Variants in SMAD6 observed in about 807,000 individuals in gnomAD.
The protein encoded by SMAD6 is MAD homolog 6.
A neutral mutation model predicts 39.4 loss-of-function variants in SMAD6; 103 were observed. That is an observed-to-expected ratio of 2.62 (90% confidence interval 2.23 to 3.08). SMAD6 has a LOEUF of 3.08. Ranked by LOEUF, SMAD6 falls within the 30% of genes most tolerant of loss-of-function variation. The probability of loss-of-function intolerance (pLI) is 0.00; values close to 1 mark genes in which losing one functional copy is unlikely to be tolerated. For missense variants in SMAD6, 1,104 were observed against 742.9 expected, an observed-to-expected ratio of 1.49 and a Z score of -5.65; for synonymous variants, 445 against 353.3, an observed-to-expected ratio of 1.26 and a Z score of -2.91.
chr15:66,775,944 G>T (rs1214530784), intron 3 of SMAD6, among the ~76,000 whole-genome samples: 5 of 152,250 alleles, frequency 3.3e-5, no homozygotes, highest in African/African-American at 1.2e-4. Context: ...GAAGTACAGA[G>T]TGGGGACCAT....
intron 3 of SMAD6, among the ~76,000 whole-genome samples, chr15:66,774,338 A>T (rs565242525): frequency 6.6e-6 from 1 of 152,328 alleles, no homozygotes; most frequent in Non-Finnish European, 1.5e-5. Context: ...CTCAGACTGC[A>T]GTCAGCTCCC....
chr15:66,748,969 C>T (rs772756282), intron 3 of SMAD6, among the ~76,000 whole-genome samples: 9 of 152,148 alleles, frequency 5.9e-5, no homozygotes, highest in Non-Finnish European at 8.8e-5. Flanking sequence ...TACACATGCC[C>T]GGTGCCCAGT....
At chr15:66,756,749 T>C (rs1465647410) in intron 3 of SMAD6, among the ~76,000 whole-genome samples, 2 of 152,238 alleles carry the variant, frequency 1.3e-5, no homozygotes, top group Non-Finnish European at 2.9e-5. Flanking sequence ...AGCCCAGGGC[T>C]TAACTTGCCT....
intron 3 of SMAD6, among the ~76,000 whole-genome samples, chr15:66,738,692 G>A (rs547190071): frequency 6.6e-6 from 1 of 152,254 alleles, no homozygotes; most frequent in Admixed American, 6.5e-5. Flanking sequence ...CAGGGAGCGT[G>A]TCTGCCATGA....
chr15:66,768,046 T>C (rs1036367446), intron 3 of SMAD6, among the ~76,000 whole-genome samples: 10 of 139,704 alleles, frequency 7.2e-5, no homozygotes, highest in African/African-American at 2.6e-4. Flanking sequence ...CACGGTTCAC[T>C]GCAGCCTCGG....
At chr15:66,762,218 T>A (rs1894212099) in intron 3 of SMAD6, among the ~76,000 whole-genome samples, 1 of 152,228 alleles carries the variant, frequency 6.6e-6, no homozygotes, top group Admixed American at 6.5e-5. Context: ...TTCCTTGGAC[T>A]CCCCCGTTAT....
chr15:66,716,368 AAG>A (rs983694175), intron 2 of SMAD6, 51 bp from the exon 3 acceptor site: 21 of 1,309,150 alleles, frequency 1.6e-5, no homozygotes, highest in Admixed American at 3.4e-5. Flanking sequence ...AAGAAGAAAA[AAG>A]AGAGCGCTGC....
At chr15:66,778,183 C>A (rs1894499496) in intron 3 of SMAD6, among the ~76,000 whole-genome samples, 1 of 151,702 alleles carries the variant, frequency 6.6e-6, no homozygotes, top group Non-Finnish European at 1.5e-5. Context: ...TGGGCTCAAG[C>A]AATCCTCCTG....
At chr15:66,757,652 G>T (rs1222670856) in intron 3 of SMAD6, among the ~76,000 whole-genome samples, 1 of 152,198 alleles carries the variant, frequency 6.6e-6, no homozygotes, top group East Asian at 1.9e-4. Flanking sequence ...CTCTGGGGAG[G>T]GATGAAGAGA....
chr15:66,750,567 A>G (rs2140646848), intron 3 of SMAD6, among the ~76,000 whole-genome samples: 1 of 152,270 alleles, frequency 6.6e-6, no homozygotes, highest in East Asian at 1.9e-4. Flanking sequence ...TTTGGTGCCA[A>G]GGGGCAGTTT....
At chr15:66,737,583 C>G (rs1893735802) in intron 3 of SMAD6, among the ~76,000 whole-genome samples, 1 of 152,076 alleles carries the variant, frequency 6.6e-6, no homozygotes, top group African/African-American at 2.4e-5. Context: ...CCTCCTCACC[C>G]CATTGGCCCT....
chr15:66,753,860 G>A (rs1894051777), intron 3 of SMAD6, among the ~76,000 whole-genome samples: 1 of 152,204 alleles, frequency 6.6e-6, no homozygotes, highest in Admixed American at 6.5e-5. Context: ...GCCCCAGCTG[G>A]ATGACTCGGG....
At chr15:66,756,909 A>C (rs1464317129) in intron 3 of SMAD6, among the ~76,000 whole-genome samples, 1 of 152,190 alleles carries the variant, frequency 6.6e-6, no homozygotes, top group Non-Finnish European at 1.5e-5. Flanking sequence ...CTCCTCCCCT[A>C]CAGGGAGCTT....
chr15:66,709,231 T>A (rs988079366), intron 1 of SMAD6, among the ~76,000 whole-genome samples: 4 of 152,246 alleles, frequency 2.6e-5, no homozygotes, highest in African/African-American at 9.6e-5. Flanking sequence ...GTTGTGTGCA[T>A]ACTATTTTGC....
intron 3 of SMAD6, chr15:66,716,901 G>A: frequency 9.5e-7 from 1 of 1,049,652 alleles, no homozygotes; most frequent in African/African-American, 1.6e-5. Context: ...GGACCAATGT[G>A]AAGGGTCAGA....
intron 3 of SMAD6, among the ~76,000 whole-genome samples, chr15:66,737,300 T>C (rs906736709): frequency 1.3e-5 from 2 of 152,196 alleles, no homozygotes; most frequent in African/African-American, 4.8e-5. Flanking sequence ...GCTCCTCCTG[T>C]TCCTTCTGAA....
chr15:66,735,347 CAG>C (rs1331596842), intron 3 of SMAD6, among the ~76,000 whole-genome samples: 1 of 152,192 alleles, frequency 6.6e-6, no homozygotes, highest in East Asian at 1.9e-4. Flanking sequence ...GGAGGGCAAT[CAG>C]GGAAGGAAGT....
At chr15:66,769,187 C>T (rs1238822350) in intron 3 of SMAD6, among the ~76,000 whole-genome samples, 1 of 152,234 alleles carries the variant, frequency 6.6e-6, no homozygotes, top group Non-Finnish European at 1.5e-5. Context: ...AAACCAGCCC[C>T]TGGCAGGGCC....
intron 3 of SMAD6, among the ~76,000 whole-genome samples, chr15:66,767,988 G>A (rs1406104462): frequency 6.7e-5 from 3 of 45,110 alleles, no homozygotes; most frequent in Non-Finnish European, 1.4e-4. Context: ...TTTTTTTTTG[G>A]AGACAGGGTC....
Sources: gnomAD v4.1 joint callset for allele counts (sites outside exome capture counted in the v4.1 genomes callset) on GRCh38, gnomAD v4.1.1 for gene constraint, MANE v1.5 for transcripts, NCBI Gene and HGNC (gene_info 2026-07-23, HGNC 2026-07-21) for gene names.